The following RABEPK variants were observed in gnomAD, a reference collection of about 807,000 sequenced individuals.
RABEPK encodes 40 kDa Rab9 effector protein.
Under a neutral mutation model 34.1 loss-of-function variants are expected in RABEPK, and 27 were observed. The observed-to-expected ratio is 0.79, with a 90% CI of 0.58 to 1.09. The LOEUF (loss-of-function observed/expected upper bound fraction) is 1.09. Ranked by LOEUF, RABEPK falls within the 50% of genes least tolerant of loss-of-function variation. The pLI, the probability that RABEPK is intolerant of heterozygous loss-of-function variation, is 0.00. For synonymous variants in RABEPK, 172 were observed against 169.2 expected (o/e 1.02, Z -0.13); for missense variants, 449 against 462.6 (o/e 0.97, Z 0.27).
Position 125,228,022 on chromosome 9 carries a change from G to T in RABEPK, c.639G>T (p.Gly213=), listed in dbSNP as rs201037985. ...TCTTCATCCACGGAGGCTTGGCGGG[G>T]GACAGATTCTATGATGACCTCCACT... is the stretch of plus-strand genomic sequence containing the variant. The part of the protein sequence containing the change: ...TKLFIHGGLA[G]DRFYDDLHCI... The change falls in exon 6 of 8, where the codon GGG becomes GGT. Residue 213 remains glycine (G), a synonymous_variant. Coordinates refer to ENST00000373538, the MANE Select transcript of RABEPK (RefSeq NM_005833.4). 3.2e-5 allele frequency: 51 copies of T among 1,603,234 alleles called. 3 individuals are homozygous for T. The Admixed American group carries it at 6.4e-4, about 20-fold the overall frequency.
intron 6 of RABEPK, among the ~76,000 whole-genome samples, chr9:125,232,176 G>A (rs1272328573): frequency 2.0e-5 from 3 of 151,722 alleles, no homozygotes; most frequent in African/African-American, 7.3e-5. Flanking sequence ...TGGGATTACA[G>A]GCGTGAGCCA....
chr9:125,211,964 A>C (rs539831568), intron 3 of RABEPK, among the ~76,000 whole-genome samples: 53 of 152,080 alleles, frequency 3.5e-4, no homozygotes, highest in African/African-American at 1.3e-3. Context: ...GCAAGACTCC[A>C]TCTCAAAAAA....
Position 125,216,703 on chromosome 9 carries a change from C to T in RABEPK, c.364+3181C>T, listed in dbSNP as rs529132645. ...CACGGCCGGGCATGGTGGCTCATGC[C>T]TATAATCCCAACACTTTGGGAGGAC... is the stretch of plus-strand genomic sequence containing the variant. On this transcript the variant is annotated intron_variant, in intron 4 of 7. Coordinates refer to ENST00000373538, the MANE Select transcript of RABEPK (RefSeq NM_005833.4). Among the ~76,000 whole-genome samples, 3 of 152,094 alleles carry T rather than the reference C, an allele frequency of 2.0e-5. No individual in the cohort carries two copies. In the South Asian group the frequency reaches 6.2e-4, roughly 32 times the overall value.
intron 3 of RABEPK, among the ~76,000 whole-genome samples, chr9:125,211,713 C>T (rs527662303): frequency 1.3e-5 from 2 of 152,164 alleles, no homozygotes; most frequent in Admixed American, 1.3e-4. Flanking sequence ...GAGGTGTAAT[C>T]CCCCAGCACC....
chr9:125,233,234 A>G (rs1832334842), intron 7 of RABEPK, among the ~76,000 whole-genome samples: 1 of 151,572 alleles, frequency 6.6e-6, no homozygotes, highest in African/African-American at 2.4e-5. Flanking sequence ...CCTGTTTGTT[A>G]GGACTCGGCT....
intron 5 of RABEPK, among the ~76,000 whole-genome samples, chr9:125,224,530 G>A (rs1476124034): frequency 6.7e-6 from 1 of 148,704 alleles, no homozygotes; most frequent in African/African-American, 2.5e-5. Flanking sequence ...TTGGCTCACT[G>A]CAACCTCCAC....
chr9:125,219,569 A>G (rs1194046251), intron 4 of RABEPK, among the ~76,000 whole-genome samples: 1 of 150,994 alleles, frequency 6.6e-6, no homozygotes, highest in Non-Finnish European at 1.5e-5. Context: ...TTATTTATTT[A>G]TTTATTTATT....
Position 125,220,277 on chromosome 9 carries a change from C to T in RABEPK, c.365-262C>T, listed in dbSNP as rs991233202. 59 of 1,340,264 alleles carry T rather than the reference C, an allele frequency of 4.4e-5. No homozygotes were observed. The African/African-American group carries it at 7.0e-4, about 16-fold the overall frequency. The allele number at this position is 1,340,264 out of a possible 1,614,324, so 83.0% of individuals were successfully genotyped here. ...TTGGCCTCCCAAAGTGCTGGGATTA[C>T]AGGCATGAGCCACACTGCACCCAGC... On this transcript the variant is annotated intron_variant, in intron 4 of 7. Coordinates refer to ENST00000373538, the MANE Select transcript of RABEPK (RefSeq NM_005833.4).
chr9:125,202,722 C>G (rs187709594), intron 1 of RABEPK, among the ~76,000 whole-genome samples: 1 of 151,816 alleles, frequency 6.6e-6, no homozygotes, highest in Non-Finnish European at 1.5e-5. Flanking sequence ...CCAAGCTACT[C>G]GGGAGGCTGA....
At chr9:125,215,940 G>GGA (rs1830903325) in intron 4 of RABEPK, among the ~76,000 whole-genome samples, 1 of 152,098 alleles carries the variant, frequency 6.6e-6, no homozygotes, top group South Asian at 2.1e-4. Flanking sequence ...GACCAGCACT[G>GGA]AATTTATCAG....
intron 4 of RABEPK, among the ~76,000 whole-genome samples, chr9:125,214,831 C>T (rs1204097756): frequency 2.1e-5 from 3 of 140,880 alleles, no homozygotes; most frequent in African/African-American, 8.0e-5. Context: ...ACTCTTGTTG[C>T]ACAGGCTGGA....
chr9:125,223,749 G>T (rs891293153), intron 5 of RABEPK, among the ~76,000 whole-genome samples: 4 of 138,634 alleles, frequency 2.9e-5, no homozygotes, highest in Admixed American at 1.5e-4. Context: ...AAAAAAAAAT[G>T]CTATAAGGAA....
intron 6 of RABEPK, among the ~76,000 whole-genome samples, chr9:125,230,692 C>A (rs540284090): frequency 2.0e-5 from 3 of 151,772 alleles, no homozygotes; most frequent in African/African-American, 7.3e-5. Flanking sequence ...TCCACCACCA[C>A]GCCCGGCTAA....
At chr9:125,231,268 T>C (rs1298596688) in intron 6 of RABEPK, among the ~76,000 whole-genome samples, 1 of 152,002 alleles carries the variant, frequency 6.6e-6, no homozygotes, top group African/African-American at 2.4e-5. Context: ...CACTCCAGCC[T>C]GGGTAACAGA....
intron 5 of RABEPK, chr9:125,221,018 G>C (rs895371193): frequency 5.0e-6 from 1 of 201,346 alleles, no homozygotes; most frequent in Non-Finnish European, 1.0e-5. Flanking sequence ...AAAATTATCC[G>C]GGCATGATGG....
intron 5 of RABEPK, chr9:125,221,931 C>T (rs1376543605): frequency 1.3e-5 from 2 of 152,070 alleles, no homozygotes; most frequent in African/African-American, 4.8e-5. Flanking sequence ...CCACTTCAGC[C>T]TCCCAAAGTG....
At chr9:125,210,028 A>G (rs888028221) in intron 3 of RABEPK, among the ~76,000 whole-genome samples, 1 of 152,130 alleles carries the variant, frequency 6.6e-6, no homozygotes, top group African/African-American at 2.4e-5. Context: ...TCATCATTGT[A>G]TCCCAGACAC....
At chr9:125,227,269 T>A (rs531831472) in intron 5 of RABEPK, among the ~76,000 whole-genome samples, 53 of 152,162 alleles carry the variant, frequency 3.5e-4, no homozygotes, top group Non-Finnish European at 6.9e-4. Flanking sequence ...TCATTCATTT[T>A]GACTTTGTGG....
Position 125,228,021 on chromosome 9 carries a change from G to A in RABEPK, c.638G>A (p.Gly213Glu). ...TKLFIHGGLA[G>E]DRFYDDLHCI... The stretch of plus-strand genomic sequence containing the variant: ...CTCTTCATCCACGGAGGCTTGGCGG[G>A]GGACAGATTCTATGATGACCTCCAC... The change falls in exon 6 of 8, where the codon GGG (glycine) becomes GAG (glutamate). Residue 213 changes from glycine (G) to glutamate (E), a missense_variant. Physicochemically the swap from Gly to Glu is moderately conservative, Grantham distance 98. Transcript: ENST00000373538. The A allele has an allele frequency of 6.2e-7, 1 of 1,604,024 alleles. No homozygotes were observed. Among genetic ancestry groups the A allele is most frequent in the Non-Finnish European group, 8.5e-7 (1 of 1,174,046 alleles).
Sources: allele counts gnomAD v4.1 joint callset (sites outside exome capture counted in the v4.1 genomes callset), GRCh38; gene constraint gnomAD v4.1.1; transcripts MANE v1.5; gene names NCBI Gene and HGNC (gene_info 2026-07-23, HGNC 2026-07-21).